The following HSD17B11 variants were observed in gnomAD, a reference collection of about 807,000 sequenced individuals.
The protein encoded by HSD17B11 is hydroxysteroid 17-beta dehydrogenase 11, also known as estradiol 17-beta-dehydrogenase 11.
In HSD17B11, 22 loss-of-function variants were observed where a neutral mutation model predicts 27.8. The observed-to-expected ratio is 0.79, with a 90% CI of 0.56 to 1.13. HSD17B11 has a LOEUF of 1.13. Among genes scored for constraint, HSD17B11 ranks in the 50% most tolerant of loss-of-function variants. The pLI is 0.00. For missense variants in HSD17B11, 314 were observed against 351.1 expected (o/e 0.89, Z 0.84); for synonymous variants, 117 against 132.8 (o/e 0.88, Z 0.82).
intron 4 of HSD17B11, among the ~76,000 whole-genome samples, chr4:87,358,896 G>A (rs947144712): frequency 1.2e-4 from 19 of 152,138 alleles, no homozygotes; most frequent in Admixed American, 5.2e-4. Flanking sequence ...ATTGTAATCC[G>A]AATTGTAATC....
At chr4:87,365,191 C>T (rs532939084) in intron 4 of HSD17B11, among the ~76,000 whole-genome samples, 6 of 151,946 alleles carry the variant, frequency 3.9e-5, no homozygotes, top group South Asian at 2.1e-4. Context: ...AACTGGCAAA[C>T]GAAAAACTGT....
intron 4 of HSD17B11, among the ~76,000 whole-genome samples, chr4:87,367,929 C>CTGTT (rs1178766753): frequency 1.8e-4 from 27 of 152,320 alleles, no homozygotes; most frequent in African/African-American, 5.8e-4. Context: ...GAATATATTG[C>CTGTT]TGTTATACCC....
chr4:87,355,351 C>T (rs1429090214), intron 5 of HSD17B11, among the ~76,000 whole-genome samples: 1 of 151,574 alleles, frequency 6.6e-6, no homozygotes, highest in Admixed American at 6.6e-5. Context: ...AAAAATGCAA[C>T]CATAAAATAT....
intron 2 of HSD17B11, among the ~76,000 whole-genome samples, chr4:87,379,392 CCTAA>C (rs1293099000): frequency 6.7e-6 from 1 of 149,898 alleles, no homozygotes; most frequent in Non-Finnish European, 1.5e-5. Flanking sequence ...CTTGCTTGTA[CCTAA>C]CTAACTACCT....
In HSD17B11 at chr4:87,370,757, T is replaced by TTTA. The variant is rs1735699135; in HGVS notation, c.557+1951_557+1952insTAA. On this transcript the variant is annotated intron_variant, in intron 4 of 6. Transcript: ENST00000358290. The stretch of plus-strand genomic sequence containing the variant: ...TTATTATTATTATTATTATTATTAT[T>TTTA]TTTTTTTTTTTTTGAGACGGAGTCT... Among the ~76,000 whole-genome samples the TTTA allele has an allele frequency of 2.5e-4, 3 of 12,238 alleles. 1 individual carries two copies. Among genetic ancestry groups the TTTA allele is most frequent in the African/African-American group, 1.1e-3 (1 of 874 alleles). The allele number at this position is 12,238 out of a possible 152,430, so 8.0% of individuals were successfully genotyped here.
chr4:87,359,105 CTGTAAT>C (rs750863702), intron 4 of HSD17B11, among the ~76,000 whole-genome samples: 11 of 152,270 alleles, frequency 7.2e-5, no homozygotes, highest in African/African-American at 1.4e-4. Context: ...TCCCCTTCCT[CTGTAAT>C]TGTAAGTTTC....
At chr4:87,378,891 T>TAA (rs1316635562) in intron 2 of HSD17B11, among the ~76,000 whole-genome samples, 4 of 8,426 alleles carry the variant, frequency 4.7e-4, no homozygotes, top group East Asian at 4.1e-3. Flanking sequence ...AATATATATA[T>TAA]ATAAATATAT....
chr4:87,382,334 C>A lies in HSD17B11; in HGVS notation c.239G>T (p.Cys80Phe). The change falls in exon 2 of 7, where the codon TGC becomes TTC. Residue 80 changes from cysteine (C) to phenylalanine (F), a missense_variant. Coordinates refer to ENST00000358290, the MANE Select transcript of HSD17B11 (RefSeq NM_016245.5). The stretch of plus-strand genomic sequence containing the variant: ...ATGAACCTTGGCACCCAGTCCCTTG[C>A]ATTTGGCAGCTGTTTCCTCCAGTCC... ...KHGLEETAAK[C>F]KGLGAKVHTF... 6.2e-7 allele frequency: 1 copy of A among 1,613,806 alleles called. No homozygotes were observed. Among genetic ancestry groups the A allele is most frequent in the Non-Finnish European group, 8.5e-7 (1 of 1,179,732 alleles).
intron 4 of HSD17B11, among the ~76,000 whole-genome samples, chr4:87,372,273 A>G (rs1227741865): frequency 6.8e-6 from 1 of 147,452 alleles, no homozygotes; most frequent in African/African-American, 2.5e-5. Flanking sequence ...AAAATCACCC[A>G]CCTATGCCTA....
chr4:87,341,620 G>A (rs1014503839), intron 5 of HSD17B11, among the ~76,000 whole-genome samples: 4 of 152,176 alleles, frequency 2.6e-5, no homozygotes, highest in African/African-American at 9.6e-5. Flanking sequence ...CAGCACTTTG[G>A]GAGGCTGAGG....
At chr4:87,370,914 G>A (rs1371343438) in intron 4 of HSD17B11, among the ~76,000 whole-genome samples, 3 of 119,504 alleles carry the variant, frequency 2.5e-5, no homozygotes, top group South Asian at 2.4e-4. Flanking sequence ...TACCACGCCC[G>A]GCTAATTTTT....
chr4:87,363,478 C>T (rs927432008), intron 4 of HSD17B11, among the ~76,000 whole-genome samples: 1 of 152,120 alleles, frequency 6.6e-6, no homozygotes, highest in Non-Finnish European at 1.5e-5. Flanking sequence ...TTCAAGACTA[C>T]CCAGCAAGCT....
chr4:87,375,090 G>T (rs995282771), intron 2 of HSD17B11, among the ~76,000 whole-genome samples: 5 of 152,088 alleles, frequency 3.3e-5, no homozygotes, highest in Non-Finnish European at 5.9e-5. Flanking sequence ...GTAGAGATTG[G>T]ATTTCACCAT....
intron 4 of HSD17B11, among the ~76,000 whole-genome samples, chr4:87,369,002 T>G (rs1334890269): frequency 6.6e-6 from 1 of 152,218 alleles, no homozygotes; most frequent in Admixed American, 6.5e-5. Flanking sequence ...ATAAACTTGC[T>G]TTCACTTTGC....
intron 4 of HSD17B11, among the ~76,000 whole-genome samples, chr4:87,360,753 T>C (rs1384765994): frequency 2.0e-5 from 3 of 152,312 alleles, no homozygotes; most frequent in East Asian, 1.9e-4. Context: ...AAATTCCTCT[T>C]TGGGCCTGGG....
intron 5 of HSD17B11, among the ~76,000 whole-genome samples, chr4:87,345,632 T>C (rs572495409): frequency 7.9e-5 from 12 of 152,260 alleles, no homozygotes; most frequent in African/African-American, 2.9e-4. Context: ...GGGACATTCC[T>C]GCTGACCTTA....
chr4:87,357,948 AATTTTTTTTTTTTT>A (rs1340895319), intron 4 of HSD17B11, among the ~76,000 whole-genome samples: 4 of 97,316 alleles, frequency 4.1e-5, no homozygotes, highest in Non-Finnish European at 8.0e-5. Flanking sequence ...TCATTAGAGA[AATTTTTTTTTTTTT>A]TTTTTTTTTT....
In HSD17B11 at chr4:87,336,517, T is replaced by G. The variant is rs566664852; in HGVS notation, c.*759A>C. 6.6e-6 allele frequency: 1 copy of G among 152,324 alleles called. No individual in the cohort carries two copies. The highest frequency in any genetic ancestry group is 2.1e-4 in the South Asian group (1 of 4,830). The allele number at this position is 152,324 out of a possible 1,614,324, so 9.4% of individuals were successfully genotyped here. The stretch of plus-strand genomic sequence containing the variant: ...CAATGAGCCTCACATCCAAGAAATT[T>G]CCAGTTTTTAAAAAAAGATTGCACA... On this transcript the variant is annotated 3_prime_UTR_variant, in exon 7 of 7. Coordinates refer to ENST00000358290, the MANE Select transcript of HSD17B11 (RefSeq NM_016245.5).
At chr4:87,353,344 A>G (rs368543381) in intron 5 of HSD17B11, among the ~76,000 whole-genome samples, 7 of 152,318 alleles carry the variant, frequency 4.6e-5, no homozygotes, top group African/African-American at 1.2e-4. Flanking sequence ...CATCTCCCCA[A>G]AAGTATTGTT....
Sources: gnomAD v4.1 joint callset for allele counts (sites outside exome capture counted in the v4.1 genomes callset) on GRCh38, gnomAD v4.1.1 for gene constraint, MANE v1.5 for transcripts, NCBI Gene and HGNC (gene_info 2026-07-23, HGNC 2026-07-21) for gene names.